The following EPHA5 variants were observed in gnomAD, a reference collection of about 807,000 sequenced individuals.
EPHA5 encodes the protein EPH receptor A5.
Under a neutral mutation model 105.0 loss-of-function variants are expected in EPHA5, and 60 were observed. The observed-to-expected ratio is 0.57, with a 90% CI of 0.46 to 0.71. The LOEUF (loss-of-function observed/expected upper bound fraction) is 0.71, where lower values mean the gene tolerates loss of function less well. Ranked by LOEUF, EPHA5 falls within the 30% of genes least tolerant of loss-of-function variation. The probability of loss-of-function intolerance (pLI) is 0.00; values close to 1 mark genes in which losing one functional copy is unlikely to be tolerated. For missense variants in EPHA5, 1,218 were observed against 1,274.7 expected, an observed-to-expected ratio of 0.96 and a Z score of 0.68; for synonymous variants, 513 against 449.1, an observed-to-expected ratio of 1.14 and a Z score of -1.80.
chr4:65,661,576 T>C (rs542699851), intron 1 of EPHA5, among the ~76,000 whole-genome samples: 25 of 152,284 alleles, frequency 1.6e-4, no homozygotes, highest in African/African-American at 5.8e-4. Context: ...TTAAGTGAGA[T>C]GACAGTGCAT....
intron 5 of EPHA5, among the ~76,000 whole-genome samples, chr4:65,438,964 C>T (rs1379254907): frequency 1.3e-5 from 2 of 151,994 alleles, no homozygotes; most frequent in Non-Finnish European, 2.9e-5. Flanking sequence ...GCTGTAAGAG[C>T]TAACACTCTA....
At chr4:65,398,667 G>T (rs1441746569) in intron 8 of EPHA5, among the ~76,000 whole-genome samples, 3 of 152,106 alleles carry the variant, frequency 2.0e-5, no homozygotes, top group East Asian at 1.9e-4. Flanking sequence ...CAGCCAGACT[G>T]GGGAGACAAC....
At chr4:65,526,573 ATAAGT>A in intron 3 of EPHA5, among the ~76,000 whole-genome samples, 1 of 148,724 alleles carries the variant, frequency 6.7e-6, no homozygotes, top group Middle Eastern at 3.2e-3. Flanking sequence ...GTAAAATAAG[ATAAGT>A]TAATGGCCAA....
intron 1 of EPHA5, among the ~76,000 whole-genome samples, chr4:65,667,391 A>C (rs1207985187): frequency 6.6e-6 from 1 of 152,182 alleles, no homozygotes; most frequent in Non-Finnish European, 1.5e-5. Flanking sequence ...TTTCCAATTA[A>C]GTATAATAGT....
intron 5 of EPHA5, among the ~76,000 whole-genome samples, chr4:65,438,179 T>G (rs1283055771): frequency 6.6e-6 from 1 of 151,964 alleles, no homozygotes; most frequent in Non-Finnish European, 1.5e-5. Flanking sequence ...AAAATGCTAT[T>G]GATTTATCTA....
chr4:65,491,544 A>C (rs1039772454), intron 4 of EPHA5, among the ~76,000 whole-genome samples: 1 of 152,130 alleles, frequency 6.6e-6, no homozygotes, highest in African/African-American at 2.4e-5. Flanking sequence ...TTTTCATAGA[A>C]TCATAACATA....
intron 8 of EPHA5, among the ~76,000 whole-genome samples, chr4:65,370,991 C>A (rs1046878071): frequency 9.9e-5 from 15 of 152,052 alleles, no homozygotes; most frequent in African/African-American, 3.1e-4. Context: ...ATGTTCTGTA[C>A]CTGCTCCAGA....
At chr4:65,378,539 G>A (rs1719231803) in intron 8 of EPHA5, among the ~76,000 whole-genome samples, 2 of 151,944 alleles carry the variant, frequency 1.3e-5, no homozygotes, top group South Asian at 4.1e-4. Context: ...GCAAACTACA[G>A]AGCAAGGGCC....
chr4:65,485,973 C>G lies in EPHA5; in HGVS notation c.1402+4404G>C, dbSNP rs192327321. Among the ~76,000 whole-genome samples the G allele has an allele frequency of 2.0e-5, 3 of 152,194 alleles. No individual in the cohort carries two copies. The East Asian group carries it at 5.8e-4, about 29-fold the overall frequency. On this transcript the variant is annotated intron_variant, in intron 5 of 16. Coordinates refer to ENST00000613740, the MANE Select transcript of EPHA5 (RefSeq NM_001281766.3). ...TCCTTTTCAAAAGAAATGTGATTGT[C>G]TTAAAGCATCCTTCCTGAAAATCTC...
intron 6 of EPHA5, among the ~76,000 whole-genome samples, chr4:65,417,834 CG>C (rs1298029673): frequency 2.0e-5 from 3 of 151,896 alleles, no homozygotes; most frequent in Non-Finnish European, 4.4e-5. Context: ...GAAGCAGCAA[CG>C]TTTTTTAAAA....
chr4:65,655,446 G>A (rs1416191031), intron 1 of EPHA5, among the ~76,000 whole-genome samples: 3 of 152,150 alleles, frequency 2.0e-5, no homozygotes, highest in African/African-American at 7.2e-5. Context: ...ACTAGAGTTA[G>A]AAGTGAGCCA....
intron 5 of EPHA5, among the ~76,000 whole-genome samples, chr4:65,470,653 A>G (rs1729198177): frequency 6.6e-6 from 1 of 152,238 alleles, no homozygotes; most frequent in African/African-American, 2.4e-5. Flanking sequence ...GGCAGAAATA[A>G]TGATGAAGCA....
At chr4:65,493,815 G>A (rs1238236485) in intron 4 of EPHA5, among the ~76,000 whole-genome samples, 1 of 151,410 alleles carries the variant, frequency 6.6e-6, no homozygotes, top group East Asian at 1.9e-4. Context: ...AGAAAGGGAG[G>A]CTCACATTTA....
At chr4:65,602,364 T>C in intron 2 of EPHA5, 60 bp from the exon 3 acceptor site, 1 of 1,346,760 alleles carries the variant, frequency 7.4e-7, no homozygotes, top group African/African-American at 1.5e-5. Context: ...AACAAGGAAC[T>C]ATAGCAAAAA....
intron 5 of EPHA5, among the ~76,000 whole-genome samples, chr4:65,456,854 T>C (rs1395913357): frequency 6.6e-6 from 1 of 152,170 alleles, no homozygotes. Context: ...TAAGTTGATA[T>C]ACTTGAATTC....
intron 1 of EPHA5, among the ~76,000 whole-genome samples, chr4:65,658,969 A>G (rs1487469527): frequency 2.6e-5 from 4 of 152,114 alleles, no homozygotes; most frequent in Non-Finnish European, 4.4e-5. Flanking sequence ...GCTACAAAAT[A>G]TTGATTATAA....
chr4:65,324,448 C>T (rs1719886861), intron 16 of EPHA5, among the ~76,000 whole-genome samples: 1 of 151,448 alleles, frequency 6.6e-6, no homozygotes, highest in Non-Finnish European at 1.5e-5. Flanking sequence ...TATTTGCTCT[C>T]ATTTGTGGAC....
At chr4:65,481,285 A>G (rs751836801) in intron 5 of EPHA5, among the ~76,000 whole-genome samples, 4 of 152,164 alleles carry the variant, frequency 2.6e-5, no homozygotes, top group Non-Finnish European at 2.9e-5. Flanking sequence ...ATCAAAACTC[A>G]AGTCTTTTTC....
chr4:65,582,985 T>G, intron 3 of EPHA5, among the ~76,000 whole-genome samples: 1 of 151,618 alleles, frequency 6.6e-6, no homozygotes, highest in African/African-American at 2.4e-5. Context: ...AAACTAGAAT[T>G]GAGACAAGAT....
Sources: allele counts gnomAD v4.1 joint callset (sites outside exome capture counted in the v4.1 genomes callset), GRCh38; gene constraint gnomAD v4.1.1; transcripts MANE v1.5; gene names NCBI Gene and HGNC (gene_info 2026-07-23, HGNC 2026-07-21).